Variants in PMFBP1 observed in about 807,000 individuals in gnomAD.
PMFBP1 encodes the protein polyamine-modulated factor 1-binding protein 1.
Under a neutral mutation model 137.8 loss-of-function variants are expected in PMFBP1, and 131 were observed. That is an observed-to-expected ratio of 0.95 (90% CI 0.82 to 1.10). The LOEUF (loss-of-function observed/expected upper bound fraction) is 1.10. Ranked by LOEUF, PMFBP1 falls within the 50% of genes least tolerant of loss-of-function variation. The pLI, the probability that PMFBP1 is intolerant of heterozygous loss-of-function variation, is 0.00. For missense variants in PMFBP1, 1,199 were observed against 1,175.4 expected, an observed-to-expected ratio of 1.02 and a Z score of -0.29; for synonymous variants, 490 against 450.4, an observed-to-expected ratio of 1.09 and a Z score of -1.11.
the PMFBP1 span, among the ~76,000 whole-genome samples, chr16:72,237,711 T>C: frequency 3.3e-5 from 5 of 152,106 alleles, no homozygotes; most frequent in African/African-American, 9.7e-5. Flanking sequence ...ACTTGTGTTA[T>C]GGGGGTTTGT....
chr16:72,125,113 G>C, intron 16 of PMFBP1, 125 bp downstream of exon 16: 1 of 1,415,454 alleles, frequency 7.1e-7, no homozygotes, highest in Non-Finnish European at 9.6e-7. Flanking sequence ...AGTTCAGGGA[G>C]CCAAGAAAGT....
intron 17 of PMFBP1, among the ~76,000 whole-genome samples, chr16:72,123,954 G>C (rs1268662583): frequency 6.6e-6 from 1 of 152,184 alleles, no homozygotes; most frequent in Non-Finnish European, 1.5e-5. Context: ...AGTATGCTAA[G>C]CCAATTTTCC....
At chr16:72,135,740 GTTTTTTTTTT>G (rs869189990) in intron 9 of PMFBP1, among the ~76,000 whole-genome samples, 1 of 66,816 alleles carries the variant, frequency 1.5e-5, no homozygotes, top group Non-Finnish European at 2.6e-5. Flanking sequence ...TAATTTTTCT[GTTTTTTTTTT>G]TTTTTTTTTT....
chr16:72,217,286 A>G, the PMFBP1 span, among the ~76,000 whole-genome samples: 1 of 152,210 alleles, frequency 6.6e-6, no homozygotes, highest in East Asian at 1.9e-4. Flanking sequence ...AGTTATTTAT[A>G]ATTAATAATA....
chr16:72,240,077 T>C, the PMFBP1 span, among the ~76,000 whole-genome samples: 1 of 152,032 alleles, frequency 6.6e-6, no homozygotes, highest in Non-Finnish European at 1.5e-5. Context: ...ACATTTCAGC[T>C]AGAGATTAGT....
intron 8 of PMFBP1, 35 bp from the exon 9 acceptor site, chr16:72,136,640 GA>G (rs1315632920): frequency 6.2e-7 from 1 of 1,613,938 alleles, no homozygotes; most frequent in Non-Finnish European, 8.5e-7. Context: ...ATGCTCAGGG[GA>G]GAGTTAGGCT....
At chr16:72,125,897 T>C (rs746231744) in intron 15 of PMFBP1, 71 bp downstream of exon 15, 5 of 1,550,776 alleles carry the variant, frequency 3.2e-6, no homozygotes, top group Non-Finnish European at 8.8e-7. Context: ...AATTGGCTCC[T>C]GTGCTTCTCC....
At chr16:72,236,648 T>C in the PMFBP1 span, among the ~76,000 whole-genome samples, 2 of 152,200 alleles carry the variant, frequency 1.3e-5, no homozygotes, top group South Asian at 2.1e-4. Context: ...AACCCCCACT[T>C]TGGGGGAAAA....
chr16:72,241,877 A>G, the PMFBP1 span, among the ~76,000 whole-genome samples: 1 of 152,210 alleles, frequency 6.6e-6, no homozygotes, highest in Non-Finnish European at 1.5e-5. Context: ...TGTTTTAACT[A>G]AGACATTTCC....
chr16:72,124,303 G>A (rs2042420549), intron 17 of PMFBP1, among the ~76,000 whole-genome samples: 3 of 152,168 alleles, frequency 2.0e-5, no homozygotes, highest in African/African-American at 7.2e-5. Flanking sequence ...GAGCCACTGT[G>A]CCCGGCCTAA....
At chr16:72,186,504 A>G in the PMFBP1 span, among the ~76,000 whole-genome samples, 3 of 152,124 alleles carry the variant, frequency 2.0e-5, no homozygotes, top group Non-Finnish European at 4.4e-5. Context: ...AGATGCGAGA[A>G]TTCAGAGTCT....
chr16:72,146,180 TC>T (rs2042803559), intron 5 of PMFBP1, among the ~76,000 whole-genome samples: 2 of 152,194 alleles, frequency 1.3e-5, no homozygotes, highest in African/African-American at 4.8e-5. Context: ...TCTACCATGA[TC>T]AAGTCGGCTT....
intron 11 of PMFBP1, 57 bp downstream of exon 11, chr16:72,130,476 C>T: frequency 3.7e-6 from 6 of 1,608,252 alleles, no homozygotes; most frequent in Non-Finnish European, 5.1e-6. Context: ...CACAGAGGGC[C>T]CGGCTGGGTC....
At chr16:72,174,633 G>C (rs1033608009), upstream of PMFBP1, among the ~76,000 whole-genome samples, 1 of 152,254 alleles carries the variant, frequency 6.6e-6, no homozygotes, top group Non-Finnish European at 1.5e-5. Context: ...TTGACTCATA[G>C]TTCTGCATGG....
rs2042702065 is a variant in PMFBP1 at position 72,140,529 on chromosome 16, G to A, written c.690C>T (p.Cys230=). 2 of 1,613,024 alleles carry A rather than the reference G, an allele frequency of 1.2e-6. No individual in the cohort carries two copies. The highest frequency in any genetic ancestry group is 1.7e-6 in the Non-Finnish European group (2 of 1,179,136). The change falls in exon 6 of 21, where the codon TGC becomes TGT. Residue 230 remains cysteine (C), a synonymous_variant. Transcript: ENST00000237353. ...HSKVRIYTSP[C]MIQEHQETQK... ...GAGTCTCCTGATGCTCTTGAATCAT[G>A]CAAGGAGAAGTGTATATCCGTACCT... is the stretch of plus-strand genomic sequence containing the variant.
At chr16:72,153,904 TGGA>T (rs1208813649) in intron 4 of PMFBP1, among the ~76,000 whole-genome samples, 1 of 138,466 alleles carries the variant, frequency 7.2e-6, no homozygotes, top group Non-Finnish European at 1.5e-5. Flanking sequence ...GGTAATAGAA[TGGA>T]GAAGATGGAC....
At chr16:72,219,280 A>C in the PMFBP1 span, among the ~76,000 whole-genome samples, 1 of 152,176 alleles carries the variant, frequency 6.6e-6, no homozygotes, top group Non-Finnish European at 1.5e-5. Context: ...TTGTATTAGA[A>C]AGACAGTGCC....
the PMFBP1 span, among the ~76,000 whole-genome samples, chr16:72,239,249 G>A: frequency 6.6e-6 from 1 of 152,044 alleles, no homozygotes; most frequent in Non-Finnish European, 1.5e-5. Flanking sequence ...TTCTTCCTCA[G>A]AAGCAAAAAG....
intron 2 of PMFBP1, among the ~76,000 whole-genome samples, chr16:72,170,483 G>A (rs994443204): frequency 6.6e-6 from 1 of 152,294 alleles, no homozygotes; most frequent in African/African-American, 2.4e-5. Context: ...CGGCTGGAAT[G>A]CACTGGTGTG....
Sources: gnomAD v4.1 joint callset for allele counts (sites outside exome capture counted in the v4.1 genomes callset) on GRCh38, gnomAD v4.1.1 for gene constraint, MANE v1.5 for transcripts, NCBI Gene and HGNC (gene_info 2026-07-23, HGNC 2026-07-21) for gene names.